Variants in HRH1 observed in about 807,000 individuals in gnomAD.
The protein encoded by HRH1 is histamine receptor H1, also known as histamine H1 receptor.
In HRH1, 6 loss-of-function variants were observed where a neutral mutation model predicts 10.3. The ratio of observed to expected loss-of-function variants is 0.58; its 90% CI spans 0.32 to 1.15. The LOEUF (loss-of-function observed/expected upper bound fraction) is 1.15. Among genes scored for constraint, HRH1 ranks in the 50% most tolerant of loss-of-function variants. The pLI, the probability that HRH1 is intolerant of heterozygous loss-of-function variation, is 0.05. For missense variants in HRH1, 514 were observed against 615.3 expected (o/e 0.84, Z 1.74); for synonymous variants, 242 against 236.7 (o/e 1.02, Z -0.21).
chr3:11,256,398 C>G (rs1182545402), intron 1 of HRH1, among the ~76,000 whole-genome samples: 1 of 152,180 alleles, frequency 6.6e-6, no homozygotes, highest in Non-Finnish European at 1.5e-5. Flanking sequence ...TGGGCAAAAT[C>G]AGTGCTGCCC....
At chr3:11,243,665 G>T (rs1939406563) in intron 1 of HRH1, among the ~76,000 whole-genome samples, 1 of 152,184 alleles carries the variant, frequency 6.6e-6, no homozygotes, top group African/African-American at 2.4e-5. Flanking sequence ...CTCAAACTCA[G>T]CTGTGTACTT....
chr3:11,251,934 G>C (rs920394891), intron 1 of HRH1, among the ~76,000 whole-genome samples: 1 of 152,210 alleles, frequency 6.6e-6, no homozygotes, highest in Non-Finnish European at 1.5e-5. Flanking sequence ...AAGAATTTTT[G>C]ACAGGAAGCC....
intron 1 of HRH1, among the ~76,000 whole-genome samples, chr3:11,221,647 C>G (rs1269695117): frequency 6.6e-6 from 1 of 152,058 alleles, no homozygotes; most frequent in Non-Finnish European, 1.5e-5. Flanking sequence ...ACATTCACAA[C>G]CATGCAATCA....
chr3:11,148,180 CAAAAAAA>C (rs58792725), intron 1 of HRH1, among the ~76,000 whole-genome samples: 15 of 85,992 alleles, frequency 1.7e-4, no homozygotes, highest in Admixed American at 6.1e-4. Flanking sequence ...CTCTGTCAAA[CAAAAAAA>C]AAAAAAAAAA....
intron 1 of HRH1, among the ~76,000 whole-genome samples, chr3:11,155,323 T>G (rs1020643038): frequency 2.6e-5 from 4 of 152,068 alleles, no homozygotes; most frequent in African/African-American, 9.7e-5. Flanking sequence ...TGGATTCTGG[T>G]GACAGAAAAG....
At position 11,210,173 on chromosome 3, in the gene HRH1, C is replaced by T. The variant is rs1295725068; in HGVS notation, c.-35-48830C>T. 2.0e-5 allele frequency among the ~76,000 whole-genome samples: 3 copies of T among 152,174 alleles called. No homozygotes were observed. The East Asian group carries it at 5.8e-4, about 29-fold the overall frequency. ...TTGGCAGGCTGAGGCAGGCAGATCA[C>T]TTGAGCCCAGGAGTTCAGAGCAACC... On this transcript the variant is annotated intron_variant, in intron 1 of 1. Coordinates refer to ENST00000431010, the MANE Select transcript of HRH1 (RefSeq NM_001098212.2).
At chr3:11,194,464 A>G (rs1937604995) in intron 1 of HRH1, among the ~76,000 whole-genome samples, 1 of 152,144 alleles carries the variant, frequency 6.6e-6, no homozygotes, top group African/African-American at 2.4e-5. Flanking sequence ...CTTCATCTCA[A>G]TGTTACATAA....
At chr3:11,182,484 AT>A (rs1300204808) in intron 1 of HRH1, among the ~76,000 whole-genome samples, 1 of 152,198 alleles carries the variant, frequency 6.6e-6, no homozygotes, top group Non-Finnish European at 1.5e-5. Context: ...GCCTCCAGAT[AT>A]CATCCAGTCT....
chr3:11,245,931 A>G (rs1193379596), intron 1 of HRH1, among the ~76,000 whole-genome samples: 1 of 151,896 alleles, frequency 6.6e-6, no homozygotes, highest in African/African-American at 2.4e-5. Context: ...ACACTCACAC[A>G]TACACACTCA....
chr3:11,164,760 T>C (rs574361495), intron 1 of HRH1, among the ~76,000 whole-genome samples: 62 of 152,308 alleles, frequency 4.1e-4, no homozygotes, highest in African/African-American at 1.5e-3. Flanking sequence ...TGAATCAAGC[T>C]GGAAACAGAA....
chr3:11,183,042 A>G (rs1224143368), intron 1 of HRH1, among the ~76,000 whole-genome samples: 1 of 152,220 alleles, frequency 6.6e-6, no homozygotes, highest in Non-Finnish European at 1.5e-5. Context: ...GGAAAATGGA[A>G]GATGCACTCC....
At chr3:11,186,130 A>G (rs1403087030) in intron 1 of HRH1, among the ~76,000 whole-genome samples, 1 of 152,026 alleles carries the variant, frequency 6.6e-6, no homozygotes, top group Non-Finnish European at 1.5e-5. Flanking sequence ...AAGCCCTTTC[A>G]ATGCTGGGCT....
chr3:11,163,793 T>A (rs1936974372), intron 1 of HRH1, among the ~76,000 whole-genome samples: 9 of 152,162 alleles, frequency 5.9e-5, no homozygotes, highest in Admixed American at 5.9e-4. Context: ...TCTCTCTCTC[T>A]TTTCACCTCA....
At chr3:11,197,213 A>G (rs1462819177) in intron 1 of HRH1, among the ~76,000 whole-genome samples, 2 of 151,846 alleles carry the variant, frequency 1.3e-5, no homozygotes, top group Non-Finnish European at 2.9e-5. Flanking sequence ...GTGATTCATG[A>G]GCATGTTAAA....
chr3:11,232,151 C>A (rs1559280062), intron 1 of HRH1, among the ~76,000 whole-genome samples: 1 of 152,034 alleles, frequency 6.6e-6, no homozygotes, highest in Non-Finnish European at 1.5e-5. Context: ...CCGTGCCCAG[C>A]TAATTTTTGT....
upstream of HRH1, among the ~76,000 whole-genome samples, chr3:11,151,679 G>C (rs986825180): frequency 6.6e-6 from 1 of 151,894 alleles, no homozygotes; most frequent in Non-Finnish European, 1.5e-5. Context: ...TTTATTTTTT[G>C]TAGAGACAAG....
At chr3:11,151,801 G>A (rs998011796), upstream of HRH1, among the ~76,000 whole-genome samples, 3 of 152,052 alleles carry the variant, frequency 2.0e-5, no homozygotes, top group East Asian at 1.9e-4. Context: ...CACCATGCCC[G>A]GCCCATCACT....
chr3:11,146,589 G>C (rs1054246990), intron 1 of HRH1, among the ~76,000 whole-genome samples: 3 of 152,208 alleles, frequency 2.0e-5, no homozygotes, highest in African/African-American at 7.2e-5. Flanking sequence ...GATGGGGGTA[G>C]GGTACAGGTC....
At chr3:11,208,692 G>A (rs1235154770) in intron 1 of HRH1, among the ~76,000 whole-genome samples, 1 of 152,108 alleles carries the variant, frequency 6.6e-6, no homozygotes, top group Non-Finnish European at 1.5e-5. Context: ...AACTATTATG[G>A]ACACTTTCCC....
Sources: gnomAD v4.1 joint callset for allele counts (sites outside exome capture counted in the v4.1 genomes callset) on GRCh38, gnomAD v4.1.1 for gene constraint, MANE v1.5 for transcripts, NCBI Gene and HGNC (gene_info 2026-07-23, HGNC 2026-07-21) for gene names.